The following TMEM94 variants were observed in gnomAD, a reference collection of about 807,000 sequenced individuals.
The protein encoded by TMEM94 is ER Mg2+ ATPase.
TMEM94 carries 81 observed loss-of-function variants against 158.6 expected under a neutral mutation model. That is an observed-to-expected ratio of 0.51 (90% CI 0.43 to 0.61). The LOEUF is 0.61. TMEM94 is among the 20% of genes least tolerant of loss of function. TMEM94 has a pLI of 0.00. For synonymous variants in TMEM94, 751 were observed against 730.7 expected (o/e 1.03, Z -0.45); for missense variants, 1,435 against 1,762.0 (o/e 0.81, Z 3.32).
intron 2 of TMEM94, among the ~76,000 whole-genome samples, chr17:75,473,935 T>C (rs970732490): frequency 2.6e-5 from 4 of 151,734 alleles, no homozygotes; most frequent in African/African-American, 9.7e-5. Flanking sequence ...GCCGACATGG[T>C]GAAATCCCGT....
chr17:75,491,505 C>T lies in TMEM94; in HGVS notation c.1386+50C>T. ...CCCATGGGCCCGACTCTGGGCCAGGCTGTTTAGCCTTGGAGCCTGGCCAGG... is the reference window on the plus strand; with the variant it reads ...CCCATGGGCCCGACTCTGGGCCAGGTTGTTTAGCCTTGGAGCCTGGCCAGG... On this transcript the variant is annotated intron_variant, in intron 13 of 31. Transcript: ENST00000314256. This position sits in a 1 kb window ranked among gnomAD's most constrained non-coding sequence, Gnocchi z 5.1. 6.2e-7 allele frequency: 1 copy of T among 1,612,946 alleles called. No homozygotes were observed. The highest frequency in any genetic ancestry group is 8.5e-7 in the Non-Finnish European group (1 of 1,179,442).
chr17:75,496,990 C>T, intron 25 of TMEM94, 123 bp from the exon 26 acceptor site: 1 of 1,045,100 alleles, frequency 9.6e-7, no homozygotes. Flanking sequence ...TCCCTCCGGC[C>T]CCTGTTCCCT....
At position 75,482,661 on chromosome 17, in the gene TMEM94, G is replaced by GTC. The variant is rs777285611; in HGVS notation, c.25-2765_25-2764dup. 3.5e-4 allele frequency among the ~76,000 whole-genome samples: 53 copies of GTC among 152,326 alleles called. 1 individual carries two copies. The highest frequency in any genetic ancestry group is 3.4e-3 in the Middle Eastern group (1 of 294). Reference sequence around the variant, plus strand: ...CCACCACATTTTTAAAAGCTGTGGTGTCTAAGATTTTGGGCTGACAGTCCC... The same window carrying GTC: ...CCACCACATTTTTAAAAGCTGTGGTGTCTCTAAGATTTTGGGCTGACAGTCCC... On this transcript the variant is annotated intron_variant, in intron 2 of 31. Coordinates refer to ENST00000314256, the MANE Select transcript of TMEM94 (RefSeq NM_014738.6).
intron 1 of TMEM94, among the ~76,000 whole-genome samples, chr17:75,470,440 T>C (rs1302883379): frequency 6.6e-6 from 1 of 152,028 alleles, no homozygotes; most frequent in Non-Finnish European, 1.5e-5. Flanking sequence ...GCATGGTGGC[T>C]CACGCCTGTA....
chr17:75,464,750 C>T (rs2050244398), intron 1 of TMEM94, among the ~76,000 whole-genome samples: 1 of 149,630 alleles, frequency 6.7e-6, no homozygotes, highest in South Asian at 2.1e-4. Context: ...CTCTTGTTGC[C>T]CAGGATGGAG....
chr17:75,496,104 C>T, intron 23 of TMEM94, 30 bp downstream of exon 23: 1 of 1,566,034 alleles, frequency 6.4e-7, no homozygotes, highest in Non-Finnish European at 8.7e-7. Flanking sequence ...GCCTGCGGGC[C>T]AGCCTCTACC....
chr17:75,495,716 C>T lies in TMEM94; in HGVS notation c.2944+73C>T, dbSNP rs1465885362. On this transcript the variant is annotated intron_variant, in intron 22 of 31. Transcript: ENST00000314256. This position sits in a 1 kb window ranked among gnomAD's most constrained non-coding sequence, Gnocchi z 5.6. The stretch of plus-strand genomic sequence containing the variant: ...GAGCTCTGCCTGGGCCTGCGTACCC[C>T]GTGGGCTCTGGAGGGATGTAGGTTT... 25 of 1,432,376 alleles carry T rather than the reference C, an allele frequency of 1.7e-5. No individual in the cohort carries two copies. Among genetic ancestry groups the T allele is most frequent in the Non-Finnish European group, 2.2e-5 (23 of 1,022,634 alleles). 88.7% of individuals were successfully genotyped at this position (1,432,376 alleles called of 1,614,324 possible).
chr17:75,488,504 A>G (rs1289614532), intron 6 of TMEM94, among the ~76,000 whole-genome samples: 1 of 151,712 alleles, frequency 6.6e-6, no homozygotes, highest in Non-Finnish European at 1.5e-5. Context: ...CTGGTTTCGA[A>G]CTCCTGACCT....
At position 75,492,253 on chromosome 17, in the gene TMEM94, A is replaced by G; in HGVS notation, c.1597-221A>G. The G allele has an allele frequency of 7.0e-7, 1 of 1,422,898 alleles. No homozygotes were observed. The highest frequency in any genetic ancestry group is 1.4e-5 in the African/African-American group (1 of 69,602). 88.1% of individuals were successfully genotyped at this position (1,422,898 alleles called of 1,614,324 possible). Reference sequence around the variant, plus strand: ...CCTCTTTTTAGCTCCTGCCAGTGTCATGAGATATATTAATAGTCCATAGAA... The same window carrying G: ...CCTCTTTTTAGCTCCTGCCAGTGTCGTGAGATATATTAATAGTCCATAGAA... On this transcript the variant is annotated intron_variant, in intron 14 of 31. Coordinates refer to ENST00000314256, the MANE Select transcript of TMEM94 (RefSeq NM_014738.6). This position sits in a 1 kb window ranked among gnomAD's most constrained non-coding sequence, Gnocchi z 4.4.
Position 75,498,354 on chromosome 17 carries a change from G to A in TMEM94, c.3638+31G>A, listed in dbSNP as rs761663445. ...TCCCAGCCCCAGAGATCCACCCATCGCCTGCCTCGCCTCGAGGCTTCCTCC... is the reference window on the plus strand; with the variant it reads ...TCCCAGCCCCAGAGATCCACCCATCACCTGCCTCGCCTCGAGGCTTCCTCC... On this transcript the variant is annotated intron_variant, in intron 28 of 31. Transcript: ENST00000314256. The surrounding 1 kb of genome is among the most constrained non-coding windows in gnomAD (Gnocchi z 6.7). 12 of 1,612,374 alleles carry A rather than the reference G, an allele frequency of 7.4e-6. No homozygotes were observed. Among genetic ancestry groups the A allele is most frequent in the East Asian group, 4.5e-5 (2 of 44,862 alleles).
At chr17:75,493,238 C>T in intron 16 of TMEM94, 136 bp downstream of exon 16, 2 of 1,046,348 alleles carry the variant, frequency 1.9e-6, no homozygotes, top group South Asian at 3.3e-5. Flanking sequence ...TCCACTCTGG[C>T]AGGGCTGGAA....
chr17:75,499,171 T>C lies in TMEM94; in HGVS notation c.3998+89T>C, dbSNP rs953036771. ...TGGCGACACTCCCCCACCTTTCCGC[T>C]GCCCATCCCTCCCTCCTCCTCTGGT... On this transcript the variant is annotated intron_variant, in intron 31 of 31. Coordinates refer to ENST00000314256, the MANE Select transcript of TMEM94 (RefSeq NM_014738.6). 2.0e-5 allele frequency: 32 copies of C among 1,589,902 alleles called. No homozygotes were observed. The East Asian group carries it at 4.9e-4, about 24-fold the overall frequency.
intron 1 of TMEM94, 119 bp from the exon 2 acceptor site, chr17:75,471,681 T>C (rs2050509067): frequency 2.1e-6 from 1 of 475,882 alleles, no homozygotes; most frequent in Non-Finnish European, 3.8e-6. Flanking sequence ...GCCACTGCAC[T>C]CCAGCCTGGG....
Position 75,496,373 on chromosome 17 carries a change from C to A in TMEM94, c.3145C>A (p.Leu1049Ile), listed in dbSNP as rs746486954. The change falls in exon 24 of 32, where the codon CTT becomes ATT. Residue 1049 changes from leucine (L) to isoleucine (I), a missense_variant. By Grantham distance (5) the Leu-to-Ile change is conservative. This residue lies in a region of TMEM94 where 335 missense variants were observed against 409.1 expected (regional missense o/e 0.82). Transcript: ENST00000314256. ...SISMAQASDG[L>I]SPLQLSGQLN... ...CAGCATGGCCCAGGCCTCGGATGGCCTTTCTCCCCTGCAGCTGTCAGGGCA... is the reference window on the plus strand; with the variant it reads ...CAGCATGGCCCAGGCCTCGGATGGCATTTCTCCCCTGCAGCTGTCAGGGCA... 6.2e-7 allele frequency: 1 copy of A among 1,614,074 alleles called. No homozygotes were observed. The highest frequency in any genetic ancestry group is 1.1e-5 in the South Asian group (1 of 91,090).
At chr17:75,478,001 A>ATTTTT (rs1567922620) in intron 2 of TMEM94, among the ~76,000 whole-genome samples, 2 of 95,872 alleles carry the variant, frequency 2.1e-5, no homozygotes, top group African/African-American at 1.2e-4. Flanking sequence ...GCGAGACTCC[A>ATTTTT]TCTTTTTTTT....
intron 25 of TMEM94, 84 bp from the exon 26 acceptor site, chr17:75,497,029 C>A: frequency 8.0e-7 from 1 of 1,256,710 alleles, no homozygotes; most frequent in Non-Finnish European, 1.2e-6. Context: ...CTATCTGGGC[C>A]CAGGGCAAGG....
At chr17:75,464,620 T>TTTCCTTCC (rs1179175769) in intron 1 of TMEM94, among the ~76,000 whole-genome samples, 1,185 of 88,988 alleles carry the variant, frequency 0.013, 37 homozygotes, top group East Asian at 0.055. Context: ...CCTTTCTTTC[T>TTTCCTTCC]TTCCTTCCTT....
At position 75,489,702 on chromosome 17, in the gene TMEM94, A is replaced by G. The variant is rs756516079; in HGVS notation, c.954+40A>G. The G allele has an allele frequency of 5.2e-5, 79 of 1,523,226 alleles. No homozygotes were observed. The highest frequency in any genetic ancestry group is 6.8e-5 in the Non-Finnish European group (75 of 1,098,900). 94.4% of individuals were successfully genotyped at this position (1,523,226 alleles called of 1,614,324 possible). A position where few individuals can be genotyped will look rare whatever the true frequency, so the allele number is the denominator to read the frequency against. ...GTCCTCTCTGTCATGCTTCCCTCCGACCCGCAGGGCTGGCTCTTCTCCTAG... is the reference window on the plus strand; with the variant it reads ...GTCCTCTCTGTCATGCTTCCCTCCGGCCCGCAGGGCTGGCTCTTCTCCTAG... On this transcript the variant is annotated intron_variant, in intron 9 of 31. Transcript: ENST00000314256. The surrounding 1 kb of genome is among the most constrained non-coding windows in gnomAD (Gnocchi z 5.0).
chr17:75,481,294 A>T lies in TMEM94; in HGVS notation c.25-4134A>T, dbSNP rs1318770446. On this transcript the variant is annotated intron_variant, in intron 2 of 31. Coordinates refer to ENST00000314256, the MANE Select transcript of TMEM94 (RefSeq NM_014738.6). ...GTGGGGGTGTGAGGTCCCCGCCGGG[A>T]GGGCCATTTCTTTCTGAGCTGAAAT... Among the ~76,000 whole-genome samples the T allele has an allele frequency of 2.0e-5, 3 of 152,346 alleles. No homozygotes were observed. In the East Asian group the frequency reaches 5.8e-4, roughly 29 times the overall value.
Sources: gnomAD v4.1 joint callset for allele counts (sites outside exome capture counted in the v4.1 genomes callset) on GRCh38, gnomAD v4.1.1 for gene constraint, gnomAD v4.1.1 regional missense constraint, Gnocchi (gnomAD v3.1) non-coding constraint, MANE v1.5 for transcripts, NCBI Gene and HGNC (gene_info 2026-07-23, HGNC 2026-07-21) for gene names.